SNX24: variants seen among roughly 807,000 people sequenced by gnomAD.
The protein encoded by SNX24 is sorting nexin-24.
A neutral mutation model predicts 28.7 loss-of-function variants in SNX24; 22 were observed. That is an observed-to-expected ratio of 0.77 (90% confidence interval 0.55 to 1.10). SNX24 has a LOEUF of 1.10. Among genes scored for constraint, SNX24 ranks in the 50% least tolerant of loss-of-function variants. The pLI is 0.00. For missense variants in SNX24, 221 were observed against 201.1 expected (o/e 1.10, Z -0.60); for synonymous variants, 69 against 71.5 (o/e 0.96, Z 0.18).
chr5:122,856,904 C>T (rs1755219342), intron 1 of SNX24, among the ~76,000 whole-genome samples: 1 of 152,136 alleles, frequency 6.6e-6, no homozygotes, highest in African/African-American at 2.4e-5. Flanking sequence ...AGTCTATTTC[C>T]TTTGGGTCAG....
chr5:122,877,885 C>T (rs1004366515), intron 1 of SNX24, among the ~76,000 whole-genome samples: 23 of 151,980 alleles, frequency 1.5e-4, no homozygotes, highest in African/African-American at 5.1e-4. Context: ...CTTGGTGGTC[C>T]TGCTCCTATG....
At chr5:122,938,047 G>T (rs1759252321) in intron 2 of SNX24, among the ~76,000 whole-genome samples, 1 of 152,116 alleles carries the variant, frequency 6.6e-6, no homozygotes, top group Admixed American at 6.5e-5. Flanking sequence ...GTCACATGCA[G>T]GCCCCTTGCT....
At chr5:122,883,039 C>T (rs1263810449) in intron 1 of SNX24, among the ~76,000 whole-genome samples, 2 of 152,026 alleles carry the variant, frequency 1.3e-5, no homozygotes, top group Non-Finnish European at 2.9e-5. Flanking sequence ...AGAAACAGAG[C>T]AAGGTACTGC....
chr5:122,952,850 C>A (rs1375138482), intron 3 of SNX24, among the ~76,000 whole-genome samples: 2 of 152,126 alleles, frequency 1.3e-5, no homozygotes, highest in Non-Finnish European at 2.9e-5. Flanking sequence ...TAGATGCTCT[C>A]TCTAGTTGGA....
chr5:122,869,731 T>A (rs927319385), intron 1 of SNX24, among the ~76,000 whole-genome samples: 7 of 152,214 alleles, frequency 4.6e-5, no homozygotes, highest in African/African-American at 1.7e-4. Context: ...TGTATGGAAA[T>A]CAAATCTGCT....
intron 1 of SNX24, among the ~76,000 whole-genome samples, chr5:122,917,833 C>T (rs748043861): frequency 4.6e-5 from 7 of 152,158 alleles, no homozygotes; most frequent in African/African-American, 1.7e-4. Flanking sequence ...GTAATCCCAG[C>T]ATTTTGGGAG....
chr5:123,013,799 T>C (rs972862526), downstream of SNX24, among the ~76,000 whole-genome samples: 2 of 151,540 alleles, frequency 1.3e-5, no homozygotes, highest in South Asian at 4.1e-4. Flanking sequence ...TGAACTCCTA[T>C]GTACTGAGTT....
At chr5:123,000,309 T>C (rs1057028896) in intron 4 of SNX24, among the ~76,000 whole-genome samples, 3 of 152,274 alleles carry the variant, frequency 2.0e-5, no homozygotes, top group Non-Finnish European at 4.4e-5. Context: ...TCTAATTAAC[T>C]TGTTATGGGC....
chr5:122,946,871 AC>A (rs1358275103), intron 3 of SNX24, among the ~76,000 whole-genome samples: 2 of 152,164 alleles, frequency 1.3e-5, no homozygotes, highest in African/African-American at 4.8e-5. Flanking sequence ...TCCAAAGAAC[AC>A]TGTGCAGGGC....
chr5:122,975,117 T>A (rs1211388997), intron 3 of SNX24, among the ~76,000 whole-genome samples: 1 of 152,224 alleles, frequency 6.6e-6, no homozygotes, highest in East Asian at 1.9e-4. Flanking sequence ...TTCTTAAACC[T>A]TAATGCACTT....
In SNX24 at chr5:123,007,680, A is replaced by C; in HGVS notation, c.443-2A>C. On this transcript the variant is annotated splice_acceptor_variant, in intron 6 of 6. Coordinates refer to ENST00000261369, the MANE Select transcript of SNX24 (RefSeq NM_014035.4). LOFTEE classifies it high-confidence loss of function. ...TTTTCTTTTTTTTTTTCTTTTTTTC[A>C]GATTTTCCAAATGTGGTTATTGAAG... 1 of 1,545,280 alleles carries C rather than the reference A, an allele frequency of 6.5e-7. No homozygotes were observed. Among genetic ancestry groups the C allele is most frequent in the Admixed American group, 2.2e-5 (1 of 45,190 alleles).
rs929926567 is a variant in SNX24, at chr5:122,924,480, C to T, written c.61-12254C>T. On this transcript the variant is annotated intron_variant, in intron 1 of 6. Transcript: ENST00000261369. ...TGCTGGCTGGGACCGGGCAAGACAC[C>T]GTGGGACAGTGTAAGATTTCACCAC... Among the ~76,000 whole-genome samples, 5 of 152,048 alleles carry T rather than the reference C, an allele frequency of 3.3e-5. No individual in the cohort carries two copies. The South Asian group carries it at 6.2e-4, about 19-fold the overall frequency.
At chr5:122,912,255 G>T (rs578121025) in intron 1 of SNX24, among the ~76,000 whole-genome samples, 1 of 132,800 alleles carries the variant, frequency 7.5e-6, no homozygotes, top group South Asian at 2.8e-4. Context: ...GTTCACTCAC[G>T]ATTTGGCTCT....
rs536302486 is a variant in SNX24 at position 122,857,886 on chromosome 5, G to T, written c.60+12193G>T. Among the ~76,000 whole-genome samples, 11 of 152,154 alleles carry T rather than the reference G, an allele frequency of 7.2e-5. No homozygotes were observed. In the East Asian group the frequency reaches 2.1e-3, roughly 29 times the overall value. On this transcript the variant is annotated intron_variant, in intron 1 of 6. Coordinates refer to ENST00000261369, the MANE Select transcript of SNX24 (RefSeq NM_014035.4). ...CAACCTCCGCCTCCTGGGTTCAAGCGATTCTCCTGCCTCAGCCTCCTGAGT... is the reference window on the plus strand; with the variant it reads ...CAACCTCCGCCTCCTGGGTTCAAGCTATTCTCCTGCCTCAGCCTCCTGAGT...
intron 3 of SNX24, among the ~76,000 whole-genome samples, chr5:122,999,211 G>A (rs1010849373): frequency 6.6e-6 from 1 of 152,052 alleles, no homozygotes; most frequent in Non-Finnish European, 1.5e-5. Flanking sequence ...ATGCCATCAT[G>A]CCAGCTATGT....
At chr5:122,888,329 G>A (rs1442037069) in intron 1 of SNX24, among the ~76,000 whole-genome samples, 2 of 152,148 alleles carry the variant, frequency 1.3e-5, no homozygotes, top group African/African-American at 2.4e-5. Flanking sequence ...AGAGAGTATA[G>A]CACAGTTAAG....
chr5:122,870,434 A>G (rs189525501), intron 1 of SNX24, among the ~76,000 whole-genome samples: 153 of 152,314 alleles, frequency 1.0e-3, no homozygotes, highest in Admixed American at 4.2e-3. Flanking sequence ...TGGGCCTGAG[A>G]TGTCAGCTTA....
At chr5:122,930,917 C>G (rs74995830) in intron 1 of SNX24, among the ~76,000 whole-genome samples, 2 of 152,280 alleles carry the variant, frequency 1.3e-5, no homozygotes, top group African/African-American at 4.8e-5. Context: ...AAATGACATA[C>G]AGCAGGTCCT....
intron 1 of SNX24, among the ~76,000 whole-genome samples, chr5:122,879,362 A>G (rs1465686678): frequency 6.6e-6 from 1 of 152,206 alleles, no homozygotes; most frequent in East Asian, 1.9e-4. Flanking sequence ...CAGGAGCTGA[A>G]ATCGCAAACT....
Sources: gnomAD v4.1 joint callset for allele counts (sites outside exome capture counted in the v4.1 genomes callset) on GRCh38, gnomAD v4.1.1 for gene constraint, MANE v1.5 for transcripts, NCBI Gene and HGNC (gene_info 2026-07-23, HGNC 2026-07-21) for gene names.